FGF19: variants seen among roughly 807,000 people sequenced by gnomAD.
FGF19 encodes the protein FGF-19.
A neutral mutation model predicts 8.9 loss-of-function variants in FGF19; 5 were observed. The ratio of observed to expected loss-of-function variants is 0.56; its 90% confidence interval spans 0.29 to 1.18. The LOEUF is 1.18. FGF19 is among the 50% of genes most tolerant of loss of function. The pLI is 0.08. For synonymous variants in FGF19, 124 were observed against 128.0 expected, an observed-to-expected ratio of 0.97 and a Z score of 0.21; for missense variants, 237 against 293.9, an observed-to-expected ratio of 0.81 and a Z score of 1.42.
At chr11:69,701,494 T>C (rs961710937) in intron 2 of FGF19, among the ~76,000 whole-genome samples, 16 of 149,942 alleles carry the variant, frequency 1.1e-4, no homozygotes, top group African/African-American at 3.7e-4. Context: ...TCCCAGCTAC[T>C]TGGGAGGCTG....
chr11:69,703,718 G>C lies in FGF19; in HGVS notation c.159C>G (p.His53Gln). The change falls in exon 1 of 3, where the codon CAC becomes CAG. Residue 53 changes from histidine (H) to glutamine (Q), a missense_variant. Physicochemically the swap from His to Gln is conservative, Grantham distance 24 (BLOSUM62 0). Transcript: ENST00000294312. The surrounding 1 kb of genome is among the most constrained non-coding windows in gnomAD (Gnocchi z 6.8). The part of the protein sequence containing the change: ...RLRHLYTSGP[H>Q]GLSSCFLRIR... ...TGCGCAGGAAGCAGCTGGAGAGCCC[G>C]TGGGGGCCGGAGGTGTACAGGTGCC... 1 of 1,233,698 alleles carries C rather than the reference G, an allele frequency of 8.1e-7. No individual in the cohort carries two copies. Among genetic ancestry groups the C allele is most frequent in the Non-Finnish European group, 1.0e-6 (1 of 988,894 alleles). The allele number at this position is 1,233,698 out of a possible 1,614,324, so 76.4% of individuals were successfully genotyped here.
Position 69,699,284 on chromosome 11 carries a change from C to T in FGF19, c.629G>A (p.Arg210Lys). The change falls in exon 3 of 3, where the codon AGG becomes AAG. Residue 210 changes from arginine (R) to lysine (K), a missense_variant. Arg to Lys is a conservative substitution (Grantham distance 26). Transcript: ENST00000294312. Reference protein sequence around the residue: ...FGLVTGLEAVRSPSFEK With the variant: ...FGLVTGLEAVKSPSFEK ...CAGTTACTTCTCAAAGCTGGGACTC[C>T]TCACGGCCTCCAGTCCGGTGACAAG... 6.2e-6 allele frequency: 10 copies of T among 1,612,632 alleles called. No individual in the cohort carries two copies. The highest frequency in any genetic ancestry group is 1.1e-5 in the South Asian group (1 of 90,964).
intron 2 of FGF19, among the ~76,000 whole-genome samples, chr11:69,701,965 C>CAAAAAAAAAAAAAAAAAA (rs59026695): frequency 4.1e-5 from 3 of 72,906 alleles, no homozygotes; most frequent in African/African-American, 1.3e-4. Context: ...AAGACTCTGC[C>CAAAAAAAAAAAAAAAAAA]AAAAAAAAAA....
rs1321665501 is a variant in FGF19 at position 69,699,510 on chromosome 11, G to A, written c.403C>T (p.Arg135Ter). ...EIRPDGYNVY[R>*]SEKHRLPVSL... is the part of the protein sequence containing the mutation. Reference sequence around the variant, plus strand: ...ACCGGGAGGCGGTGCTTCTCGGATCGGTACACATTGTAGCCATCTGGGCGG... The same window carrying A: ...ACCGGGAGGCGGTGCTTCTCGGATCAGTACACATTGTAGCCATCTGGGCGG... Residue 135 changes from arginine (R) to a stop codon, truncating the protein, a stop_gained, in exon 3 of 3, where the codon CGA becomes TGA. Transcript: ENST00000294312. LOFTEE classifies it low-confidence loss of function (END_TRUNC). 1 of 1,614,098 alleles carries A rather than the reference G, an allele frequency of 6.2e-7. No homozygotes were observed.
In FGF19 at chr11:69,702,780, T is replaced by C. The variant is rs950630466; in HGVS notation, c.336+481A>G. ...AATCTCTCCTATCCCAAATGCACTG[T>C]TTTCTGCCTTGCTTGACAATTGATT... On this transcript the variant is annotated intron_variant, in intron 2 of 2. Coordinates refer to ENST00000294312, the MANE Select transcript of FGF19 (RefSeq NM_005117.3). The surrounding 1 kb of genome is among the most constrained non-coding windows in gnomAD (Gnocchi z 4.6). Among the ~76,000 whole-genome samples, 7 of 152,234 alleles carry C rather than the reference T, an allele frequency of 4.6e-5. No homozygotes were observed. The highest frequency in any genetic ancestry group is 8.8e-5 in the Non-Finnish European group (6 of 68,038).
chr11:69,703,996 T>C lies in FGF19; in HGVS notation c.-120A>G. 1 of 559,870 alleles carries C rather than the reference T, an allele frequency of 1.8e-6. No individual in the cohort carries two copies. The highest frequency in any genetic ancestry group is 2.7e-6 in the Non-Finnish European group (1 of 373,370). 34.7% of individuals were successfully genotyped at this position (559,870 alleles called of 1,614,324 possible). A position where few individuals can be genotyped will look rare whatever the true frequency, so the allele number is the denominator to read the frequency against. On this transcript the variant is annotated 5_prime_UTR_variant, in exon 1 of 3. Coordinates refer to ENST00000294312, the MANE Select transcript of FGF19 (RefSeq NM_005117.3). This position sits in a 1 kb window ranked among gnomAD's most constrained non-coding sequence, Gnocchi z 6.8. ...TTGGGATGGTCGTGGCCCTAGATCCTGGACGCAGCGCTCCTGCTCTGACGG... is the reference window on the plus strand; with the variant it reads ...TTGGGATGGTCGTGGCCCTAGATCCCGGACGCAGCGCTCCTGCTCTGACGG...
Position 69,699,534 on chromosome 11 carries a change from G to T in FGF19, c.379C>A (p.Arg127Ser). The part of the protein sequence containing the change: ...EEDCAFEEEI[R>S]PDGYNVYRSE... ...CGGTACACATTGTAGCCATCTGGGC[G>T]GATCTCCTCCTCGAAAGCACAGTCT... The change falls in exon 3 of 3, where the codon CGC becomes AGC. Residue 127 changes from arginine to serine, a missense_variant. Coordinates refer to ENST00000294312, the MANE Select transcript of FGF19 (RefSeq NM_005117.3). 6.2e-7 allele frequency: 1 copy of T among 1,613,888 alleles called. No individual in the cohort carries two copies. The highest frequency in any genetic ancestry group is 8.5e-7 in the Non-Finnish European group (1 of 1,179,896).
rs1854801026 is a variant in FGF19, at chr11:69,703,524, G to A, written c.232+121C>T. On this transcript the variant is annotated intron_variant, in intron 1 of 2. Coordinates refer to ENST00000294312, the MANE Select transcript of FGF19 (RefSeq NM_005117.3). The surrounding 1 kb of genome is among the most constrained non-coding windows in gnomAD (Gnocchi z 6.8). ...CAGGTGCCAAAACCTGGGGTTCCCAGGAGTTGAGGGGTCCGCAGGAGCCTA... is the reference window on the plus strand; with the variant it reads ...CAGGTGCCAAAACCTGGGGTTCCCAAGAGTTGAGGGGTCCGCAGGAGCCTA... 1.3e-6 allele frequency: 1 copy of A among 776,318 alleles called. No homozygotes were observed. Among genetic ancestry groups the A allele is most frequent in the South Asian group, 2.7e-5 (1 of 36,882 alleles). The allele number at this position is 776,318 out of a possible 1,614,324, so 48.1% of individuals were successfully genotyped here.
chr11:69,702,213 C>CT lies in FGF19; in HGVS notation c.336+1047dup, dbSNP rs1191322374. 1.3e-5 allele frequency among the ~76,000 whole-genome samples: 2 copies of CT among 152,174 alleles called. No homozygotes were observed. The highest frequency in any genetic ancestry group is 2.9e-5 in the Non-Finnish European group (2 of 68,040). On this transcript the variant is annotated intron_variant, in intron 2 of 2. Coordinates refer to ENST00000294312, the MANE Select transcript of FGF19 (RefSeq NM_005117.3). The surrounding 1 kb of genome is among the most constrained non-coding windows in gnomAD (Gnocchi z 4.6). ...TTCTCTGCAGTCCTCTCACGCAGGACTCCGCCATAAAACCTGAAACAGGCG... is the reference window on the plus strand; with the variant it reads ...TTCTCTGCAGTCCTCTCACGCAGGACTTCCGCCATAAAACCTGAAACAGGCG...
intron 2 of FGF19, among the ~76,000 whole-genome samples, chr11:69,701,349 C>T (rs1243468766): frequency 6.6e-6 from 1 of 152,160 alleles, no homozygotes; most frequent in South Asian, 2.1e-4. Context: ...TGCCTGTAAT[C>T]CCAGCACTTT....
In FGF19 at chr11:69,703,636, G is replaced by A. The variant is rs2119917612; in HGVS notation, c.232+9C>T. ...GGCGGGGCGGGCGGGGGTGCTGGCG[G>A]GCACTCACTGTGCGCGCTCTGGCCC... On this transcript the variant is annotated intron_variant, in intron 1 of 2. Transcript: ENST00000294312. This position sits in a 1 kb window ranked among gnomAD's most constrained non-coding sequence, Gnocchi z 6.8. 2 of 1,213,242 alleles carry A rather than the reference G, an allele frequency of 1.6e-6. No homozygotes were observed. Among genetic ancestry groups the A allele is most frequent in the African/African-American group, 1.6e-5 (1 of 63,838 alleles). The allele number at this position is 1,213,242 out of a possible 1,614,324, so 75.2% of individuals were successfully genotyped here. A position where few individuals can be genotyped will look rare whatever the true frequency, so the allele number is the denominator to read the frequency against.
intron 2 of FGF19, among the ~76,000 whole-genome samples, chr11:69,701,319 AG>A (rs1565087454): frequency 6.6e-6 from 1 of 152,200 alleles, no homozygotes; most frequent in Admixed American, 6.5e-5. Flanking sequence ...TTTAAGAAAG[AG>A]GCCAGGCGAG....
At position 69,698,922 on chromosome 11, in the gene FGF19, G is replaced by T. The variant is rs905107032; in HGVS notation, c.*340C>A. On this transcript the variant is annotated 3_prime_UTR_variant, in exon 3 of 3. Coordinates refer to ENST00000294312, the MANE Select transcript of FGF19 (RefSeq NM_005117.3). ...AGAAAAAATTAGAGAATTTCAGCTT[G>T]ACATAAGAATTTTTCCAAAGGAAGT... The T allele has an allele frequency of 3.7e-6, 1 of 271,784 alleles. No individual in the cohort carries two copies. The highest frequency in any genetic ancestry group is 2.2e-5 in the African/African-American group (1 of 46,226). 16.8% of individuals were successfully genotyped at this position (271,784 alleles called of 1,614,324 possible).
intron 2 of FGF19, among the ~76,000 whole-genome samples, chr11:69,700,117 C>CTA (rs1441673145): frequency 2.0e-5 from 3 of 151,716 alleles, no homozygotes; most frequent in East Asian, 1.9e-4. Flanking sequence ...AAACCCACAA[C>CTA]TATATATATA....
At position 69,703,814 on chromosome 11, in the gene FGF19, G is replaced by A. The variant is rs533068764; in HGVS notation, c.63C>T (p.Ala21=). ...CGTCCGAGAAGGCGAGGGGGCGCCC[G>A]GCCACGGCCAGCCAGAGGCCGGCCA... ...WILAGLWLAV[A]GRPLAFSDAG... is the part of the protein sequence containing the mutation. Residue 21 remains alanine (A), a synonymous_variant, in exon 1 of 3, where the codon GCC becomes GCT. Coordinates refer to ENST00000294312, the MANE Select transcript of FGF19 (RefSeq NM_005117.3). This position sits in a 1 kb window ranked among gnomAD's most constrained non-coding sequence, Gnocchi z 6.8. 143 of 1,236,096 alleles carry A rather than the reference G, an allele frequency of 1.2e-4. 2 individuals carry two copies. The Admixed American group carries it at 1.6e-3, about 14-fold the overall frequency. The allele number at this position is 1,236,096 out of a possible 1,614,324, so 76.6% of individuals were successfully genotyped here.
At position 69,702,045 on chromosome 11, in the gene FGF19, G is replaced by T. The variant is rs1027708617; in HGVS notation, c.336+1216C>A. On this transcript the variant is annotated intron_variant, in intron 2 of 2. Coordinates refer to ENST00000294312, the MANE Select transcript of FGF19 (RefSeq NM_005117.3). The surrounding 1 kb of genome is among the most constrained non-coding windows in gnomAD (Gnocchi z 4.6). ...ACCCCCAATTTGGGCAGAATGGCGG[G>T]TTAGGTTGACGTCCCCTGCTGGCCT... Among the ~76,000 whole-genome samples, 1 of 150,518 alleles carries T rather than the reference G, an allele frequency of 6.6e-6. No homozygotes were observed. The highest frequency in any genetic ancestry group is 2.4e-5 in the African/African-American group (1 of 40,992).
chr11:69,703,145 C>T lies in FGF19; in HGVS notation c.336+116G>A. 1 of 644,078 alleles carries T rather than the reference C, an allele frequency of 1.6e-6. No homozygotes were observed. The highest frequency in any genetic ancestry group is 2.6e-6 in the Non-Finnish European group (1 of 378,774). 39.9% of individuals were successfully genotyped at this position (644,078 alleles called of 1,614,324 possible). ...CCTCGAAGTTGCACGCGGGTCTGGG[C>T]GGAGGAGGCGAGGAAACCCTGGATT... On this transcript the variant is annotated intron_variant, in intron 2 of 2. Coordinates refer to ENST00000294312, the MANE Select transcript of FGF19 (RefSeq NM_005117.3). The surrounding 1 kb of genome is among the most constrained non-coding windows in gnomAD (Gnocchi z 6.8).
intron 2 of FGF19, among the ~76,000 whole-genome samples, chr11:69,701,382 G>A (rs1854769892): frequency 1.3e-5 from 2 of 152,128 alleles, no homozygotes; most frequent in African/African-American, 2.4e-5. Flanking sequence ...CAGGCAGATC[G>A]TGATGTCAGG....
In FGF19 at chr11:69,698,693, T is replaced by C; in HGVS notation, c.*569A>G. On this transcript the variant is annotated 3_prime_UTR_variant, in exon 3 of 3. Transcript: ENST00000294312. ...GAGTGGGGCTCCAGGCTTCCCCTAC[T>C]CCTGAAGCCTGGTGGGCCATGCCTG... The C allele has an allele frequency of 5.1e-6, 1 of 197,426 alleles. No homozygotes were observed. Among genetic ancestry groups the C allele is most frequent in the Non-Finnish European group, 1.0e-5 (1 of 95,428 alleles). The allele number at this position is 197,426 out of a possible 1,614,324, so 12.2% of individuals were successfully genotyped here.
Sources: allele counts gnomAD v4.1 joint callset (sites outside exome capture counted in the v4.1 genomes callset), GRCh38; gene constraint gnomAD v4.1.1; non-coding constraint Gnocchi (gnomAD v3.1); transcripts MANE v1.5; gene names NCBI Gene and HGNC (gene_info 2026-07-23, HGNC 2026-07-21).